Variants in RAB8B observed in about 807,000 individuals in gnomAD.
The protein encoded by RAB8B is RAB8B, member RAS oncogene family, also known as ras-related protein Rab-8B.
A neutral mutation model predicts 32.0 loss-of-function variants in RAB8B; 11 were observed. The ratio of observed to expected loss-of-function variants is 0.34; its 90% CI spans 0.22 to 0.57. The LOEUF (loss-of-function observed/expected upper bound fraction) is 0.57, where lower values mean the gene tolerates loss of function less well. RAB8B is among the 20% of genes least tolerant of loss of function. The pLI, the probability that RAB8B is intolerant of heterozygous loss-of-function variation, is 0.86. For synonymous variants in RAB8B, 103 were observed against 89.6 expected, an observed-to-expected ratio of 1.15 and a Z score of -0.85; for missense variants, 190 against 258.5, an observed-to-expected ratio of 0.73 and a Z score of 1.82.
intron 1 of RAB8B, among the ~76,000 whole-genome samples, chr15:63,200,786 A>G (rs1486443119): frequency 6.6e-6 from 1 of 152,250 alleles, no homozygotes; most frequent in East Asian, 1.9e-4. Flanking sequence ...AAGGTCACAC[A>G]AAGCCTGACA....
At chr15:63,231,023 G>T (rs1437087578) in intron 1 of RAB8B, among the ~76,000 whole-genome samples, 1 of 152,068 alleles carries the variant, frequency 6.6e-6, no homozygotes, top group African/African-American at 2.4e-5. Context: ...TTAATTGGGT[G>T]GGAAAATTAC....
Position 63,248,179 on chromosome 15 carries a change from A to G in RAB8B, c.186-1466A>G, listed in dbSNP as rs182275063. ...ATGGCTTTTTTGTAAGGCCTGGCCCAGAGCTGAACAGCTGAGACCTAAGAT... is the reference window on the plus strand; with the variant it reads ...ATGGCTTTTTTGTAAGGCCTGGCCCGGAGCTGAACAGCTGAGACCTAAGAT... On this transcript the variant is annotated intron_variant, in intron 2 of 7. Transcript: ENST00000321437. The surrounding 1 kb of genome is among the most constrained non-coding windows in gnomAD (Gnocchi z 4.4). 4.3e-3 allele frequency among the ~76,000 whole-genome samples: 659 copies of G among 152,296 alleles called. 3 individuals carry two copies. The highest frequency in any genetic ancestry group is 0.015 in the African/African-American group (636 of 41,566).
At chr15:63,216,229 T>G in intron 1 of RAB8B, among the ~76,000 whole-genome samples, 1 of 132,884 alleles carries the variant, frequency 7.5e-6, no homozygotes, top group African/African-American at 2.7e-5. Flanking sequence ...AATTAATTAA[T>G]TATTATTTTT....
chr15:63,226,974 AT>A (rs2037894107), intron 1 of RAB8B, among the ~76,000 whole-genome samples: 1 of 152,074 alleles, frequency 6.6e-6, no homozygotes, highest in South Asian at 2.1e-4. Context: ...TTGCCATGAC[AT>A]TTGTAAACTG....
At position 63,248,489 on chromosome 15, in the gene RAB8B, G is replaced by A. The variant is rs1340667589; in HGVS notation, c.186-1156G>A. On this transcript the variant is annotated intron_variant, in intron 2 of 7. Coordinates refer to ENST00000321437, the MANE Select transcript of RAB8B (RefSeq NM_016530.3). The surrounding 1 kb of genome is among the most constrained non-coding windows in gnomAD (Gnocchi z 4.4). ...ATTGTGCCACTGGACCCCAGCCTGGGTGACAGAGCGAGACTCCATCTCAAA... is the reference window on the plus strand; with the variant it reads ...ATTGTGCCACTGGACCCCAGCCTGGATGACAGAGCGAGACTCCATCTCAAA... Among the ~76,000 whole-genome samples the A allele has an allele frequency of 6.6e-6, 1 of 152,152 alleles. No individual in the cohort carries two copies. Among genetic ancestry groups the A allele is most frequent in the Non-Finnish European group, 1.5e-5 (1 of 68,022 alleles).
chr15:63,253,692 A>T (rs2038135659), intron 3 of RAB8B, among the ~76,000 whole-genome samples: 1 of 152,196 alleles, frequency 6.6e-6, no homozygotes, highest in African/African-American at 2.4e-5. Context: ...AATGAAATTA[A>T]TCAGGGAAAT....
At chr15:63,226,856 G>T (rs1313558318) in intron 1 of RAB8B, among the ~76,000 whole-genome samples, 10 of 152,082 alleles carry the variant, frequency 6.6e-5, no homozygotes, top group Admixed American at 6.5e-4. Flanking sequence ...CTGCCCCAAG[G>T]GCAGCTGGTT....
chr15:63,247,123 G>C (rs776081243), intron 2 of RAB8B, among the ~76,000 whole-genome samples: 6 of 152,174 alleles, frequency 3.9e-5, no homozygotes, highest in Non-Finnish European at 4.4e-5. Flanking sequence ...GTGAAGGTTT[G>C]CTTCCTGGTT....
rs147982236 is a variant in RAB8B, at chr15:63,221,091, T to A, written c.125-23665T>A. Among the ~76,000 whole-genome samples the A allele has an allele frequency of 2.6e-3, 400 of 152,324 alleles. 3 individuals carry two copies. The highest frequency in any genetic ancestry group is 7.9e-3 in the African/African-American group (327 of 41,568). ...GTAGAGTTTCTGAATCTTGAGGCACTTTCAGGATTCAGATGGAAAGGATGG... is the reference window on the plus strand; with the variant it reads ...GTAGAGTTTCTGAATCTTGAGGCACATTCAGGATTCAGATGGAAAGGATGG... On this transcript the variant is annotated intron_variant, in intron 1 of 7. Coordinates refer to ENST00000321437, the MANE Select transcript of RAB8B (RefSeq NM_016530.3).
intron 1 of RAB8B, among the ~76,000 whole-genome samples, chr15:63,226,345 TCA>T (rs2037889081): frequency 6.6e-6 from 1 of 152,208 alleles, no homozygotes; most frequent in Non-Finnish European, 1.5e-5. Context: ...TGGATTATAC[TCA>T]CACGTAGGAT....
Position 63,266,374 on chromosome 15 carries a change from T to C in RAB8B, c.*2755T>C, listed in dbSNP as rs1429692267. Reference sequence around the variant, plus strand: ...TCGCTGGGAACTTATTTTAGCTATATTTTACTTCAGACAGATTATGATACA... The same window carrying C: ...TCGCTGGGAACTTATTTTAGCTATACTTTACTTCAGACAGATTATGATACA... On this transcript the variant is annotated 3_prime_UTR_variant, in exon 8 of 8. Coordinates refer to ENST00000321437, the MANE Select transcript of RAB8B (RefSeq NM_016530.3). The C allele has an allele frequency of 2.6e-5, 4 of 152,598 alleles. No homozygotes were observed. The highest frequency in any genetic ancestry group is 6.5e-5 in the Admixed American group (1 of 15,282). The allele number at this position is 152,598 out of a possible 1,614,324, so 9.5% of individuals were successfully genotyped here. A position where few individuals can be genotyped will look rare whatever the true frequency, so the allele number is the denominator to read the frequency against.
intron 1 of RAB8B, among the ~76,000 whole-genome samples, chr15:63,214,579 G>A (rs536443288): frequency 4.9e-4 from 75 of 152,158 alleles, no homozygotes; most frequent in South Asian, 3.7e-3. Context: ...AGGCCGAGAA[G>A]CCATCCACCA....
chr15:63,244,543 G>A (rs368060468), intron 1 of RAB8B, among the ~76,000 whole-genome samples: 1 of 152,154 alleles, frequency 6.6e-6, no homozygotes, highest in Non-Finnish European at 1.5e-5. Flanking sequence ...CATATAATAC[G>A]TTGCATTTAA....
chr15:63,189,745 A>C lies in RAB8B; in HGVS notation c.121A>C (p.Ile41Leu). The C allele has an allele frequency of 5.7e-6, 8 of 1,392,994 alleles. No homozygotes were observed. The highest frequency in any genetic ancestry group is 5.7e-6 in the Non-Finnish European group (6 of 1,043,572). The allele number at this position is 1,392,994 out of a possible 1,614,324, so 86.3% of individuals were successfully genotyped here. A position where few individuals can be genotyped will look rare whatever the true frequency, so the allele number is the denominator to read the frequency against. ...CTTCAACACCACCTTCATCTCCACC[A>C]TCGGTGAGGGAGGGGCCGCGGCCCG... ...DAFNTTFIST[I>L]GIDFKIRTIE... Residue 41 changes from isoleucine to leucine, a missense_variant, in exon 1 of 8, where the codon ATC becomes CTC. This residue lies in a region of RAB8B where 80 missense variants were observed against 142.6 expected (regional missense o/e 0.56). Coordinates refer to ENST00000321437, the MANE Select transcript of RAB8B (RefSeq NM_016530.3).
chr15:63,209,294 G>A (rs140589849), intron 1 of RAB8B, among the ~76,000 whole-genome samples: 5 of 151,666 alleles, frequency 3.3e-5, no homozygotes, highest in Non-Finnish European at 7.4e-5. Context: ...ATGATATTAT[G>A]AAATACTTTG....
At chr15:63,250,321 A>G (rs2038107051) in intron 3 of RAB8B, among the ~76,000 whole-genome samples, 1 of 152,104 alleles carries the variant, frequency 6.6e-6, no homozygotes, top group African/African-American at 2.4e-5. Context: ...AGCAAACCAC[A>G]AGCCCTATGA....
At chr15:63,214,082 G>GA in intron 1 of RAB8B, among the ~76,000 whole-genome samples, 1 of 140,298 alleles carries the variant, frequency 7.1e-6, no homozygotes, top group East Asian at 3.5e-4. Context: ...CTCTGTCTCA[G>GA]GGGAAAAAAA....
chr15:63,243,230 A>C (rs893181730), intron 1 of RAB8B, among the ~76,000 whole-genome samples: 1 of 152,230 alleles, frequency 6.6e-6, no homozygotes, highest in Admixed American at 6.5e-5. Flanking sequence ...ATATAGATGA[A>C]GCTTCTCTCA....
chr15:63,217,727 A>G (rs1204106988), intron 1 of RAB8B, among the ~76,000 whole-genome samples: 1 of 152,224 alleles, frequency 6.6e-6, no homozygotes, highest in African/African-American at 2.4e-5. Context: ...ATTTGAGGAA[A>G]ATCTAAACAA....
Sources: allele counts gnomAD v4.1 joint callset (sites outside exome capture counted in the v4.1 genomes callset), GRCh38; gene constraint gnomAD v4.1.1; regional missense constraint gnomAD v4.1.1; non-coding constraint Gnocchi (gnomAD v3.1); transcripts MANE v1.5; gene names NCBI Gene and HGNC (gene_info 2026-07-23, HGNC 2026-07-21).